ZNF556: variants seen among roughly 807,000 people sequenced by gnomAD.
ZNF556 encodes zinc finger protein 556.
Under a neutral mutation model 13.6 loss-of-function variants are expected in ZNF556, and 11 were observed. The ratio of observed to expected loss-of-function variants is 0.81; its 90% CI spans 0.51 to 1.33. The LOEUF is 1.33. Ranked by LOEUF, ZNF556 falls within the 40% of genes most tolerant of loss-of-function variation. ZNF556 has a pLI of 0.00. For missense variants in ZNF556, 633 were observed against 566.2 expected (o/e 1.12, Z -1.20); for synonymous variants, 229 against 207.8 (o/e 1.10, Z -0.88).
At position 2,876,235 on chromosome 19, in the gene ZNF556, T is replaced by C. The variant is rs767001677; in HGVS notation, c.273T>C (p.His91=). 4.4e-6 allele frequency: 7 copies of C among 1,608,298 alleles called. No homozygotes were observed. The Admixed American group carries it at 5.1e-5, about 12-fold the overall frequency. The change falls in exon 3 of 4, where the codon CAT becomes CAC. Residue 91 remains histidine (H), a synonymous_variant. Transcript: ENST00000307635. ...ASLLGKNWEE[H]SVKDKHNTKE... ...TTTTAGGAAAAAATTGGGAAGAACATAGCGTTAAAGACAAGCACAACACCA... is the reference window on the plus strand; with the variant it reads ...TTTTAGGAAAAAATTGGGAAGAACACAGCGTTAAAGACAAGCACAACACCA...
In ZNF556 at chr19:2,877,549, C is replaced by T. The variant is rs764145236; in HGVS notation, c.591C>T (p.His197=). ...PSYLQTHEKT[H]SGEKPYACQS... ...ACCTACAGACGCATGAGAAAACTCA[C>T]AGTGGAGAGAAACCCTATGCCTGTC... Residue 197 remains histidine (H), a synonymous_variant, in exon 4 of 4, where the codon CAC becomes CAT. Coordinates refer to ENST00000307635, the MANE Select transcript of ZNF556 (RefSeq NM_024967.3). 6 of 1,614,156 alleles carry T rather than the reference C, an allele frequency of 3.7e-6. No individual in the cohort carries two copies. The highest frequency in any genetic ancestry group is 5.1e-6 in the Non-Finnish European group (6 of 1,180,048).
chr19:2,869,920 C>T (rs1441165439), intron 1 of ZNF556, among the ~76,000 whole-genome samples: 2 of 152,110 alleles, frequency 1.3e-5, no homozygotes, highest in African/African-American at 4.8e-5. Flanking sequence ...TCCTGTCACT[C>T]GACCCCCCTT....
intron 3 of ZNF556, among the ~76,000 whole-genome samples, chr19:2,876,888 A>G (rs2087856823): frequency 6.6e-6 from 1 of 152,152 alleles, no homozygotes; most frequent in Admixed American, 6.5e-5. Flanking sequence ...GAAAATGGCA[A>G]AAATGTTATC....
intron 3 of ZNF556, 37 bp from the exon 4 acceptor site, chr19:2,877,236 A>T (rs1456734801): frequency 2.0e-6 from 3 of 1,494,796 alleles, no homozygotes; most frequent in Non-Finnish European, 2.7e-6. Flanking sequence ...GAAATTATTA[A>T]GGCATAAACC....
intron 2 of ZNF556, among the ~76,000 whole-genome samples, chr19:2,875,819 C>T (rs1384561619): frequency 6.6e-6 from 1 of 151,928 alleles, no homozygotes; most frequent in Non-Finnish European, 1.5e-5. Context: ...AAAAAATTAG[C>T]TGGGCATGGT....
chr19:2,871,896 A>G (rs753104318), intron 1 of ZNF556, among the ~76,000 whole-genome samples: 5 of 152,186 alleles, frequency 3.3e-5, no homozygotes, highest in Non-Finnish European at 5.9e-5. Flanking sequence ...GCCATCTCCA[A>G]TGATAGGTAA....
In ZNF556 at chr19:2,881,295, A is replaced by G. The variant is rs1342325571; in HGVS notation, c.*2966A>G. 6.6e-6 allele frequency: 1 copy of G among 152,248 alleles called. No individual in the cohort carries two copies. Among genetic ancestry groups the G allele is most frequent in the Non-Finnish European group, 1.5e-5 (1 of 68,052 alleles). The allele number at this position is 152,248 out of a possible 1,614,324, so 9.4% of individuals were successfully genotyped here. A position where few individuals can be genotyped will look rare whatever the true frequency, so the allele number is the denominator to read the frequency against. ...ACAAGTTTAAACTTTATTGGAGCCC[A>G]GTAGCAATGGCTCACGCCTGTAATC... On this transcript the variant is annotated 3_prime_UTR_variant, in exon 4 of 4. Coordinates refer to ENST00000307635, the MANE Select transcript of ZNF556 (RefSeq NM_024967.3).
chr19:2,877,974 A>C lies in ZNF556; in HGVS notation c.1016A>C (p.Lys339Thr). ...CACAAACACGCGAGAACGCATGCTA[A>C]AAAGAAACCTGTGAGTGGGGGCAGC... ...SLHKHARTHA[K>T]KKPVSGGSVG... The change falls in exon 4 of 4, where the codon AAA becomes ACA. Residue 339 changes from lysine to threonine, a missense_variant. Coordinates refer to ENST00000307635, the MANE Select transcript of ZNF556 (RefSeq NM_024967.3). The C allele has an allele frequency of 6.2e-7, 1 of 1,614,206 alleles. No homozygotes were observed. Among genetic ancestry groups the C allele is most frequent in the South Asian group, 1.1e-5 (1 of 91,092 alleles).
rs1168915189 is a variant in ZNF556 at position 2,880,120 on chromosome 19, T to A, written c.*1791T>A. The A allele has an allele frequency of 1.3e-5, 2 of 152,212 alleles. No individual in the cohort carries two copies. Among genetic ancestry groups the A allele is most frequent in the African/African-American group, 4.8e-5 (2 of 41,468 alleles). The allele number at this position is 152,212 out of a possible 1,614,324, so 9.4% of individuals were successfully genotyped here. ...CTGTGACCTAGTATTCTTCGTGAGATAAATCTTACCTTTCATGAGAAAATG... is the reference window on the plus strand; with the variant it reads ...CTGTGACCTAGTATTCTTCGTGAGAAAAATCTTACCTTTCATGAGAAAATG... On this transcript the variant is annotated 3_prime_UTR_variant, in exon 4 of 4. Coordinates refer to ENST00000307635, the MANE Select transcript of ZNF556 (RefSeq NM_024967.3).
Position 2,882,542 on chromosome 19 carries a change from G to GTGTGTGTA in ZNF556, c.*4220_*4221insATGTGTGT. The GTGTGTGTA allele has an allele frequency of 6.6e-6, 1 of 150,576 alleles. No homozygotes were observed. The highest frequency in any genetic ancestry group is 1.5e-5 in the Non-Finnish European group (1 of 67,920). 9.3% of individuals were successfully genotyped at this position (150,576 alleles called of 1,614,324 possible). ...ATATATATATATATAGTGTGTGTGT[G>GTGTGTGTA]TGTGTGTGTGTGTGTGTGTGTGTGA... is the stretch of plus-strand genomic sequence containing the variant. On this transcript the variant is annotated 3_prime_UTR_variant, in exon 4 of 4. Coordinates refer to ENST00000307635, the MANE Select transcript of ZNF556 (RefSeq NM_024967.3).
In ZNF556 at chr19:2,876,100, G is replaced by A. The variant is rs1224617937; in HGVS notation, c.138G>A (p.Glu46=). The part of the protein sequence containing the change: ...TFKHLASVDN[E]AQLKASGSIS... ...TTCACTTTTTTGTTTCAGATAATGA[G>A]GCTCAGCTTAAAGCCAGTGGGTCTA... Residue 46 remains glutamate (E), a synonymous_variant, in exon 3 of 4, where the codon GAG becomes GAA. Transcript: ENST00000307635. 15 of 1,603,162 alleles carry A rather than the reference G, an allele frequency of 9.4e-6. No homozygotes were observed. Among genetic ancestry groups the A allele is most frequent in the Non-Finnish European group, 1.2e-5 (14 of 1,177,076 alleles).
intron 1 of ZNF556, among the ~76,000 whole-genome samples, chr19:2,868,096 G>A (rs1453689701): frequency 2.0e-5 from 3 of 151,994 alleles, no homozygotes; most frequent in Non-Finnish European, 4.4e-5. Context: ...AAATTCTAGC[G>A]TGCCTTTTTT....
At chr19:2,876,956 T>C (rs1341123359) in intron 3 of ZNF556, among the ~76,000 whole-genome samples, 1 of 152,096 alleles carries the variant, frequency 6.6e-6, no homozygotes, top group Non-Finnish European at 1.5e-5. Context: ...CTTATGCCTG[T>C]AATCCCAGCA....
At chr19:2,867,993 T>C (rs1387497667) in intron 1 of ZNF556, among the ~76,000 whole-genome samples, 3 of 152,210 alleles carry the variant, frequency 2.0e-5, no homozygotes, top group African/African-American at 4.8e-5. Flanking sequence ...CAATGGAACA[T>C]ACAGTAAATA....
intron 1 of ZNF556, among the ~76,000 whole-genome samples, chr19:2,869,447 A>G (rs1018768765): frequency 5.9e-5 from 9 of 151,982 alleles, no homozygotes; most frequent in African/African-American, 1.5e-4. Context: ...GCTCACTGCA[A>G]GCTCCGCCTC....
chr19:2,871,105 A>T (rs922710986), intron 1 of ZNF556, among the ~76,000 whole-genome samples: 1 of 151,952 alleles, frequency 6.6e-6, no homozygotes, highest in African/African-American at 2.4e-5. Context: ...CAGAGGTTGC[A>T]GTGAGCTGAG....
chr19:2,876,273 T>C lies in ZNF556; in HGVS notation c.311T>C (p.Leu104Ser), dbSNP rs1294603073. 2 of 1,586,440 alleles carry C rather than the reference T, an allele frequency of 1.3e-6. No individual in the cohort carries two copies. ...KDKHNTKERH[L>S]SRNPRVERPC... is the part of the protein sequence containing the mutation. ...AAGCACAACACCAAGGAGAGACATT[T>C]GAGGTGAGTTGTACTTAGAAGAAAA... The change falls in exon 3 of 4, where the codon TTG becomes TCG. Residue 104 changes from leucine (L) to serine (S), a missense_variant. Physicochemically the swap from Leu to Ser is moderately radical, Grantham distance 145. Coordinates refer to ENST00000307635, the MANE Select transcript of ZNF556 (RefSeq NM_024967.3).
chr19:2,874,196 G>A (rs2087830140), intron 2 of ZNF556, among the ~76,000 whole-genome samples: 2 of 152,096 alleles, frequency 1.3e-5, no homozygotes, highest in Non-Finnish European at 2.9e-5. Context: ...GGCAGAGGTT[G>A]CAGTGAGCCA....
chr19:2,869,751 C>T (rs1051268107), intron 1 of ZNF556, among the ~76,000 whole-genome samples: 14 of 152,184 alleles, frequency 9.2e-5, no homozygotes, highest in African/African-American at 2.4e-4. Context: ...GTGCGGCTTT[C>T]GCCTCCTAAC....
Sources: allele counts gnomAD v4.1 joint callset (sites outside exome capture counted in the v4.1 genomes callset), GRCh38; gene constraint gnomAD v4.1.1; transcripts MANE v1.5; gene names NCBI Gene and HGNC (gene_info 2026-07-23, HGNC 2026-07-21).